The following UBE2H variants were observed in gnomAD, a reference collection of about 807,000 sequenced individuals.
UBE2H encodes ubiquitin-conjugating enzyme E2 H.
Under a neutral mutation model 29.0 loss-of-function variants are expected in UBE2H, and 3 were observed. That is an observed-to-expected ratio of 0.10 (90% CI 0.05 to 0.27). The LOEUF is 0.27. Among genes scored for constraint, UBE2H ranks in the 10% least tolerant of loss-of-function variants. The pLI is 1.00. For missense variants in UBE2H, 68 were observed against 228.2 expected, an observed-to-expected ratio of 0.30 and a Z score of 4.52; for synonymous variants, 69 against 82.9, an observed-to-expected ratio of 0.83 and a Z score of 0.91.
At chr7:129,946,566 A>G (rs1184224885) in intron 1 of UBE2H, among the ~76,000 whole-genome samples, 1 of 152,092 alleles carries the variant, frequency 6.6e-6, no homozygotes, top group Non-Finnish European at 1.5e-5. Flanking sequence ...AACTTCTTAG[A>G]CCCCACCCTA....
intron 4 of UBE2H, among the ~76,000 whole-genome samples, chr7:129,858,119 C>T (rs1417849913): frequency 6.6e-6 from 1 of 152,134 alleles, no homozygotes; most frequent in East Asian, 1.9e-4. Flanking sequence ...GAAAAAAGTG[C>T]TAAAAAGTAA....
intron 1 of UBE2H, among the ~76,000 whole-genome samples, chr7:129,920,405 T>C (rs1233172721): frequency 1.3e-5 from 2 of 152,052 alleles, no homozygotes; most frequent in East Asian, 3.9e-4. Flanking sequence ...GGTGAAAAAC[T>C]GGAAATAACC....
chr7:129,867,727 A>AG (rs1805940873), intron 3 of UBE2H, among the ~76,000 whole-genome samples: 1 of 127,642 alleles, frequency 7.8e-6, no homozygotes, highest in East Asian at 2.2e-4. Flanking sequence ...AGAAAACCAA[A>AG]AAAAAAAAAA....
At chr7:129,863,811 T>TTTTTTTTTTG (rs1554432038) in intron 3 of UBE2H, among the ~76,000 whole-genome samples, 5 of 150,820 alleles carry the variant, frequency 3.3e-5, no homozygotes, top group African/African-American at 1.2e-4. Flanking sequence ...ACTAGGTGTT[T>TTTTTTTTTTG]TTTTTTTTTT....
In UBE2H at chr7:129,834,229, G is replaced by C. The variant is rs1166831247; in HGVS notation, c.*708C>G. On this transcript the variant is annotated 3_prime_UTR_variant, in exon 7 of 7. Transcript: ENST00000355621. ...ACGCTCTACCCCAAGAAAAAGAACT[G>C]GTTCAGAAAACACTTCCCCAAGTTT... 1 of 152,176 alleles carries C rather than the reference G, an allele frequency of 6.6e-6. No individual in the cohort carries two copies. The highest frequency in any genetic ancestry group is 1.5e-5 in the Non-Finnish European group (1 of 68,036). The allele number at this position is 152,176 out of a possible 1,614,324, so 9.4% of individuals were successfully genotyped here.
chr7:129,928,533 G>T (rs1031513219), intron 1 of UBE2H, among the ~76,000 whole-genome samples: 6 of 152,222 alleles, frequency 3.9e-5, no homozygotes, highest in African/African-American at 1.4e-4. Context: ...AACTCGGGAG[G>T]TGGAGGTTGC....
intron 6 of UBE2H, among the ~76,000 whole-genome samples, chr7:129,837,288 A>C (rs573921229): frequency 1.1e-3 from 163 of 152,320 alleles, no homozygotes; most frequent in African/African-American, 3.5e-3. Context: ...GAAGAGAGGG[A>C]GCCCAGGGAC....
chr7:129,924,208 C>T (rs1807219503), intron 1 of UBE2H, among the ~76,000 whole-genome samples: 1 of 152,146 alleles, frequency 6.6e-6, no homozygotes, highest in Non-Finnish European at 1.5e-5. Flanking sequence ...CCTGTCTCTA[C>T]AAAAACATTT....
intron 3 of UBE2H, among the ~76,000 whole-genome samples, chr7:129,872,735 C>T (rs1195920465): frequency 6.8e-6 from 1 of 146,832 alleles, no homozygotes; most frequent in Non-Finnish European, 1.5e-5. Flanking sequence ...CCCAGCTACT[C>T]AGGAGGCTGA....
Position 129,833,010 on chromosome 7 carries a change from T to C in UBE2H, c.*1927A>G, listed in dbSNP as rs1805258824. 6.6e-6 allele frequency: 1 copy of C among 151,902 alleles called. No individual in the cohort carries two copies. The highest frequency in any genetic ancestry group is 2.1e-4 in the South Asian group (1 of 4,818). The allele number at this position is 151,902 out of a possible 1,614,324, so 9.4% of individuals were successfully genotyped here. On this transcript the variant is annotated 3_prime_UTR_variant, in exon 7 of 7. Transcript: ENST00000355621. ...GTGAAGTACACCATTACATGTTAAA[T>C]AGTTAATACTACCCTTCCAGCAAGC...
At chr7:129,934,638 TA>T (rs758214225) in intron 1 of UBE2H, among the ~76,000 whole-genome samples, 983 of 65,856 alleles carry the variant, frequency 0.015, 3 homozygotes, top group African/African-American at 0.022. Flanking sequence ...ACTCCGTCTT[TA>T]AAAAAAAAAA....
rs1807905451 is a variant in UBE2H, at chr7:129,952,665, C to T, written c.-110G>A. 8.4e-6 allele frequency: 11 copies of T among 1,311,600 alleles called. No individual in the cohort carries two copies. In the Admixed American group the frequency reaches 1.1e-4, roughly 13 times the overall value. 81.2% of individuals were successfully genotyped at this position (1,311,600 alleles called of 1,614,324 possible). A position where few individuals can be genotyped will look rare whatever the true frequency, so the allele number is the denominator to read the frequency against. Reference sequence around the variant, plus strand: ...GCTCCTCGGTGGAGGTGGCAACACCCCCGCGGTCCCGGCGGTCCCGTCAGC... The same window carrying T: ...GCTCCTCGGTGGAGGTGGCAACACCTCCGCGGTCCCGGCGGTCCCGTCAGC... On this transcript the variant is annotated 5_prime_UTR_variant, in exon 1 of 7. Coordinates refer to ENST00000355621, the MANE Select transcript of UBE2H (RefSeq NM_003344.4).
intron 3 of UBE2H, among the ~76,000 whole-genome samples, chr7:129,860,764 T>G (rs1386987551): frequency 6.6e-6 from 1 of 152,058 alleles, no homozygotes; most frequent in Non-Finnish European, 1.5e-5. Context: ...TGAGGTTATT[T>G]AAATAAACTA....
chr7:129,944,715 A>AACACAC (rs57825154), intron 1 of UBE2H, among the ~76,000 whole-genome samples: 18,791 of 143,672 alleles, frequency 0.13, 1,358 homozygotes, highest in Non-Finnish European at 0.16. Flanking sequence ...ATGCGCTCAA[A>AACACAC]ACACACACAC....
chr7:129,931,133 G>A (rs1206330805), intron 1 of UBE2H, among the ~76,000 whole-genome samples: 5 of 151,724 alleles, frequency 3.3e-5, no homozygotes, highest in East Asian at 1.9e-4. Flanking sequence ...CAGGAGAATC[G>A]CTTGAACCCA....
chr7:129,952,326 G>A (rs1807894534), intron 1 of UBE2H, among the ~76,000 whole-genome samples, 177 bp downstream of exon 1: 1 of 152,140 alleles, frequency 6.6e-6, no homozygotes, highest in African/African-American at 2.4e-5. Flanking sequence ...AAGGCGAGCT[G>A]AAAAGGCTCT....
chr7:129,952,376 G>A lies in UBE2H; in HGVS notation c.53+127C>T, dbSNP rs149131688. ...TGCCAAGGAGCCGCCGTAGGCACTG[G>A]GGGAGGAGGGGAGTCTCGGACAGTG... On this transcript the variant is annotated intron_variant, in intron 1 of 6. Transcript: ENST00000355621. 3,211 of 1,198,110 alleles carry A rather than the reference G, an allele frequency of 2.7e-3. 10 individuals carry two copies. The highest frequency in any genetic ancestry group is 3.1e-3 in the Non-Finnish European group (2,743 of 881,322). 74.2% of individuals were successfully genotyped at this position (1,198,110 alleles called of 1,614,324 possible).
At chr7:129,889,013 A>G (rs1806421464) in intron 1 of UBE2H, among the ~76,000 whole-genome samples, 1 of 152,188 alleles carries the variant, frequency 6.6e-6, no homozygotes, top group East Asian at 1.9e-4. Context: ...GGGAGAAGGA[A>G]TTTAATGCAA....
chr7:129,927,873 T>C (rs1456944746), intron 1 of UBE2H, among the ~76,000 whole-genome samples: 1 of 152,014 alleles, frequency 6.6e-6, no homozygotes, highest in African/African-American at 2.4e-5. Flanking sequence ...AAATAAGTCT[T>C]AGTGTGCATT....
Sources: gnomAD v4.1 joint callset for allele counts (sites outside exome capture counted in the v4.1 genomes callset) on GRCh38, gnomAD v4.1.1 for gene constraint, MANE v1.5 for transcripts, NCBI Gene and HGNC (gene_info 2026-07-23, HGNC 2026-07-21) for gene names.